TRIOBP: variants seen among roughly 807,000 people sequenced by gnomAD.
TRIOBP encodes the protein TRIO and F-actin-binding protein.
In TRIOBP, 169 loss-of-function variants were observed where a neutral mutation model predicts 238.8. The observed-to-expected ratio is 0.71, with a 90% CI of 0.62 to 0.80. TRIOBP has a LOEUF of 0.80. TRIOBP is among the 30% of genes least tolerant of loss of function. The pLI is 0.00. For synonymous variants in TRIOBP, 1,150 were observed against 1,274.4 expected, an observed-to-expected ratio of 0.90 and a Z score of 2.08; for missense variants, 2,838 against 3,122.6, an observed-to-expected ratio of 0.91 and a Z score of 2.17.
At chr22:37,713,466 G>A in intron 5 of TRIOBP, 55 bp downstream of exon 5, 1 of 1,590,958 alleles carries the variant, frequency 6.3e-7, no homozygotes, top group Admixed American at 1.7e-5. Flanking sequence ...TCCATCTGCA[G>A]CCCTGGGTCC....
At chr22:37,767,147 A>G (rs1926539167) in intron 18 of TRIOBP, among the ~76,000 whole-genome samples, 1 of 152,128 alleles carries the variant, frequency 6.6e-6, no homozygotes, top group Admixed American at 6.6e-5. Context: ...GCTACTCAGG[A>G]GGCTGAGGCA....
Position 37,723,374 on chromosome 22 carries a change from G to A in TRIOBP, c.818G>A (p.Arg273His), listed in dbSNP as rs754785011. ...QRDTAQAASTREIPRASSPHR... is the reference protein window; with the variant it reads ...QRDTAQAASTHEIPRASSPHR... ...GACACTGCTCAGGCTGCCTCTACAC[G>A]TGAAATCCCCAGAGCCTCCTCTCCC... Residue 273 changes from arginine (R) to histidine (H), a missense_variant, in exon 7 of 24, where the codon CGT (arginine) becomes CAT (histidine). By Grantham distance (29) the Arg-to-His change is conservative (BLOSUM62 0). Around this residue, in one of 5 missense-constraint regions of TRIOBP, gnomAD observed 535 missense variants for 537.3 expected, o/e 1.00. Coordinates refer to ENST00000644935, the MANE Select transcript of TRIOBP (RefSeq NM_001039141.3). 3.8e-5 allele frequency: 62 copies of A among 1,614,000 alleles called. No homozygotes were observed. Among genetic ancestry groups the A allele is most frequent in the East Asian group, 8.9e-5 (4 of 44,870 alleles).
intron 11 of TRIOBP, chr22:37,751,033 G>T (rs1925566746): frequency 5.2e-6 from 2 of 387,044 alleles, no homozygotes; most frequent in Non-Finnish European, 1.1e-5. Flanking sequence ...GGAAGGGAGG[G>T]TCTGGTGGTT....
At chr22:37,730,664 G>A (rs1459273394) in intron 7 of TRIOBP, among the ~76,000 whole-genome samples, 1 of 152,120 alleles carries the variant, frequency 6.6e-6, no homozygotes, top group Non-Finnish European at 1.5e-5. Flanking sequence ...CAAATTGGCT[G>A]GGTGCAGTGG....
intron 7 of TRIOBP, among the ~76,000 whole-genome samples, chr22:37,729,888 G>A (rs1924343122): frequency 1.3e-5 from 2 of 152,290 alleles, no homozygotes; most frequent in Admixed American, 1.3e-4. Flanking sequence ...ACAGACTGGA[G>A]CTTATGAGCG....
Position 37,741,050 on chromosome 22 carries a change from G to C in TRIOBP, c.5322+18G>C. 6.4e-7 allele frequency: 1 copy of C among 1,558,766 alleles called. No individual in the cohort carries two copies. The highest frequency in any genetic ancestry group is 8.7e-7 in the Non-Finnish European group (1 of 1,150,992). Reference sequence around the variant, plus strand: ...GGCGAAGGGTAGGCTGGCTCCAGTGGGGACTGGAGGGGTGAGGGTGGATAG... The same window carrying C: ...GGCGAAGGGTAGGCTGGCTCCAGTGCGGACTGGAGGGGTGAGGGTGGATAG... On this transcript the variant is annotated intron_variant, in intron 11 of 23. Coordinates refer to ENST00000644935, the MANE Select transcript of TRIOBP (RefSeq NM_001039141.3).
At chr22:37,767,532 A>G (rs1290301775) in intron 18 of TRIOBP, among the ~76,000 whole-genome samples, 1 of 152,144 alleles carries the variant, frequency 6.6e-6, no homozygotes, top group Non-Finnish European at 1.5e-5. Context: ...CAATAACCCC[A>G]TGGAGGAAAG....
intron 9 of TRIOBP, among the ~76,000 whole-genome samples, chr22:37,738,037 T>A (rs1251479858): frequency 2.6e-5 from 4 of 152,142 alleles, no homozygotes; most frequent in African/African-American, 9.7e-5. Flanking sequence ...GGGCCTGACA[T>A]AAAGGAGGGG....
In TRIOBP at chr22:37,735,243, C is replaced by G. The variant is rs778855049; in HGVS notation, c.4907C>G (p.Ala1636Gly). 6.9e-6 allele frequency: 11 copies of G among 1,603,838 alleles called. No individual in the cohort carries two copies. Among genetic ancestry groups the G allele is most frequent in the Non-Finnish European group, 9.4e-6 (11 of 1,172,278 alleles). The change falls in exon 9 of 24, where the codon GCC becomes GGC. Residue 1636 changes from alanine (A) to glycine (G), a missense_variant. Ala to Gly is a moderately conservative substitution (Grantham distance 60). This residue lies in a region of TRIOBP where 2,096 missense variants were observed against 2,137.4 expected (regional missense o/e 0.98). Transcript: ENST00000644935. Reference sequence around the variant, plus strand: ...AGCCAGCCAGAAGGCTGGGCCGAGGCCACCCCAGTCAATGGACACAGCCCC... The same window carrying G: ...AGCCAGCCAGAAGGCTGGGCCGAGGGCACCCCAGTCAATGGACACAGCCCC... ...SHSQPEGWAE[A>G]TPVNGHSPAL...
intron 11 of TRIOBP, among the ~76,000 whole-genome samples, chr22:37,743,525 C>CTG (rs922823338): frequency 6.6e-6 from 1 of 152,172 alleles, no homozygotes; most frequent in Non-Finnish European, 1.5e-5. Flanking sequence ...GGAGGATGTG[C>CTG]TGTGGGCTTA....
chr22:37,737,794 C>CTTCCCTGT (rs1924745993), intron 9 of TRIOBP, among the ~76,000 whole-genome samples: 1 of 152,168 alleles, frequency 6.6e-6, no homozygotes, highest in African/African-American at 2.4e-5. Flanking sequence ...TGCACATGCT[C>CTTCCCTGT]TTCCCTGTTC....
chr22:37,759,457 C>T, intron 17 of TRIOBP, 193 bp downstream of exon 17: 2 of 1,495,204 alleles, frequency 1.3e-6, no homozygotes, highest in Non-Finnish European at 1.9e-6. Flanking sequence ...CAGACAAGGC[C>T]ACTGAGCTCT....
At position 37,716,214 on chromosome 22, in the gene TRIOBP, C is replaced by T. The variant is rs528052749; in HGVS notation, c.628+280C>T. Among the ~76,000 whole-genome samples, 807 of 151,472 alleles carry T rather than the reference C, an allele frequency of 5.3e-3. 7 individuals carry two copies. Among genetic ancestry groups the T allele is most frequent in the African/African-American group, 0.018 (762 of 41,284 alleles). ...GCAACCTTTGCCTCCCCAGTTCAAG[C>T]GATTCTCCTGCCCCAGCCTCCCAAG... On this transcript the variant is annotated intron_variant, in intron 6 of 23. Coordinates refer to ENST00000644935, the MANE Select transcript of TRIOBP (RefSeq NM_001039141.3).
At chr22:37,707,414 T>C (rs986864450) in intron 3 of TRIOBP, among the ~76,000 whole-genome samples, 2 of 152,064 alleles carry the variant, frequency 1.3e-5, no homozygotes, top group African/African-American at 4.8e-5. Context: ...ATTGAAGGAA[T>C]GGGTGGGTTT....
rs372625111 is a variant in TRIOBP, at chr22:37,769,130, C to T, written c.6678C>T (p.Arg2226=). Residue 2226 remains arginine, a synonymous_variant, in exon 20 of 24, where the codon CGC becomes CGT. Transcript: ENST00000644935. ...IGALMRQAEE[R]EHTLRRCQQE... is the part of the protein sequence containing the mutation. ...CACTCATGCGGCAGGCTGAGGAGCG[C>T]GAGCACACGCTGCGCCGCTGCCAGC... The T allele has an allele frequency of 3.5e-5, 57 of 1,613,012 alleles. No individual in the cohort carries two copies. The South Asian group carries it at 4.3e-4, about 12-fold the overall frequency.
At chr22:37,704,943 C>T (rs1240002159) in intron 3 of TRIOBP, among the ~76,000 whole-genome samples, 2 of 151,080 alleles carry the variant, frequency 1.3e-5, no homozygotes, top group African/African-American at 4.9e-5. Flanking sequence ...CAGGATGGTG[C>T]ACACCTGTAG....
At position 37,722,443 on chromosome 22, in the gene TRIOBP, A is replaced by G. The variant is rs1365232141; in HGVS notation, c.629-742A>G. Among the ~76,000 whole-genome samples, 5 of 140,542 alleles carry G rather than the reference A, an allele frequency of 3.6e-5. No individual in the cohort carries two copies. In the East Asian group the frequency reaches 8.6e-4, roughly 24 times the overall value. The allele number at this position is 140,542 out of a possible 152,430, so 92.2% of individuals were successfully genotyped here. ...ACTCTGTCTCAAAAAAAAAAAAAAAAAGGTCGGGCATGGTGGCTCACGCCT... is the reference window on the plus strand; with the variant it reads ...ACTCTGTCTCAAAAAAAAAAAAAAAGAGGTCGGGCATGGTGGCTCACGCCT... On this transcript the variant is annotated intron_variant, in intron 6 of 23. Transcript: ENST00000644935.
At chr22:37,772,909 C>T (rs565617775) in intron 23 of TRIOBP, 145 bp downstream of exon 23, 12 of 1,045,826 alleles carry the variant, frequency 1.1e-5, no homozygotes, top group Non-Finnish European at 1.5e-5. Flanking sequence ...AAACCAGCAA[C>T]ACGGGGTTGT....
In TRIOBP at chr22:37,771,633, A is replaced by G. The variant is rs1257594472; in HGVS notation, c.6850-17A>G. On this transcript the variant is annotated splice_polypyrimidine_tract_variant and intron_variant, in intron 21 of 23. Coordinates refer to ENST00000644935, the MANE Select transcript of TRIOBP (RefSeq NM_001039141.3). Reference sequence around the variant, plus strand: ...CTGGCTTCTGGCCCTGGGTCAGTCCAGCACCTATATCCCCAGGTGCTGCTT... The same window carrying G: ...CTGGCTTCTGGCCCTGGGTCAGTCCGGCACCTATATCCCCAGGTGCTGCTT... 22 of 1,613,198 alleles carry G rather than the reference A, an allele frequency of 1.4e-5. No homozygotes were observed. Among genetic ancestry groups the G allele is most frequent in the Non-Finnish European group, 1.6e-5 (19 of 1,179,544 alleles).
Sources: gnomAD v4.1 joint callset for allele counts (sites outside exome capture counted in the v4.1 genomes callset) on GRCh38, gnomAD v4.1.1 for gene constraint, gnomAD v4.1.1 regional missense constraint, MANE v1.5 for transcripts, NCBI Gene and HGNC (gene_info 2026-07-23, HGNC 2026-07-21) for gene names.